The following HDX variants were observed in gnomAD, a reference collection of about 807,000 sequenced individuals.
HDX encodes highly divergent homeobox.
Under a neutral mutation model 45.2 loss-of-function variants are expected in HDX, and 19 were observed. The ratio of observed to expected loss-of-function variants is 0.42; its 90% CI spans 0.29 to 0.62. The LOEUF is 0.62. Among genes scored for constraint, HDX ranks in the 20% least tolerant of loss-of-function variants. HDX has a pLI of 0.20. For missense variants in HDX, 532 were observed against 493.9 expected, an observed-to-expected ratio of 1.08 and a Z score of -0.73; for synonymous variants, 188 against 172.8, an observed-to-expected ratio of 1.09 and a Z score of -0.69.
chrX:84,363,700 C>T (rs962810872), intron 5 of HDX, among the ~76,000 whole-genome samples: 5 of 111,280 alleles, frequency 4.5e-5, no homozygotes, highest in Non-Finnish European at 9.4e-5. Flanking sequence ...CAAGTCAATT[C>T]GCAGTAAAAC....
In HDX at chrX:84,327,493, G is replaced by A. The variant is rs768521752; in HGVS notation, c.1825-1193C>T. Reference sequence around the variant, plus strand: ...CCAGAAATAAATCCCCACAAAAATGGTCGATTGATTTTCAACAAAGGTGCT... The same window carrying A: ...CCAGAAATAAATCCCCACAAAAATGATCGATTGATTTTCAACAAAGGTGCT... On this transcript the variant is annotated intron_variant, in intron 9 of 10. Transcript: ENST00000373177. Among the ~76,000 whole-genome samples the A allele has an allele frequency of 1.5e-4, 17 of 111,499 alleles. 1 individual carries two copies. Among genetic ancestry groups the A allele is most frequent in the Non-Finnish European group, 2.6e-4 (14 of 53,110 alleles).
chrX:84,407,250 C>A (rs893671119), intron 5 of HDX, among the ~76,000 whole-genome samples: 1 of 110,787 alleles, frequency 9.0e-6, no homozygotes, highest in African/African-American at 3.3e-5. Flanking sequence ...TGTGTTGTTC[C>A]CTTTCATGTG....
At chrX:84,431,595 A>C (rs1698349908) in intron 5 of HDX, among the ~76,000 whole-genome samples, 1 of 111,034 alleles carries the variant, frequency 9.0e-6, no homozygotes, top group Non-Finnish European at 1.9e-5. Context: ...TTCTCTAATG[A>C]TTATGAGCAT....
intron 2 of HDX, among the ~76,000 whole-genome samples, chrX:84,485,353 C>T (rs965915393): frequency 8.9e-6 from 1 of 111,904 alleles, no homozygotes; most frequent in Admixed American, 9.5e-5. Flanking sequence ...TAATCTCCAT[C>T]TATAACTGTG....
intron 5 of HDX, among the ~76,000 whole-genome samples, chrX:84,401,468 A>T (rs2038704361): frequency 8.9e-6 from 1 of 112,475 alleles, no homozygotes; most frequent in Admixed American, 9.4e-5. Context: ...GCTCAGCATC[A>T]CTGATCATTA....
chrX:84,361,601 G>T lies in HDX; in HGVS notation c.1317C>A (p.Arg439=). ...CTAAGTCTCGGTCACTGAACTGAGT[G>T]CGGTCCTGTAGCTGAAAAACACATT... The part of the protein sequence containing the change: ...GCSRKRALQD[R]TQFSDRDLAT... The change falls in exon 6 of 11, where the codon CGC becomes CGA. Residue 439 remains arginine, a synonymous_variant. Transcript: ENST00000373177. 1 of 1,184,145 alleles carries T rather than the reference G, an allele frequency of 8.4e-7. No individual in the cohort carries two copies. Among genetic ancestry groups the T allele is most frequent in the Admixed American group, 2.3e-5 (1 of 43,636 alleles).
intron 5 of HDX, among the ~76,000 whole-genome samples, chrX:84,375,195 A>T (rs1478954082): frequency 1.8e-5 from 2 of 108,430 alleles, no homozygotes; most frequent in African/African-American, 3.5e-5. Context: ...TCACAATGAG[A>T]TACCATCTCA....
intron 3 of HDX, among the ~76,000 whole-genome samples, chrX:84,471,531 A>T (rs1220345441): frequency 9.2e-6 from 1 of 108,390 alleles, no homozygotes; most frequent in African/African-American, 3.3e-5. Context: ...TAGCTTGTGG[A>T]AGGGTATTCT....
At chrX:84,490,599 C>A (rs774252234) in intron 1 of HDX, among the ~76,000 whole-genome samples, 1 of 111,013 alleles carries the variant, frequency 9.0e-6, no homozygotes, top group African/African-American at 3.2e-5. Context: ...TATTACTTTT[C>A]TTCGGTGTGA....
intron 5 of HDX, among the ~76,000 whole-genome samples, chrX:84,408,627 G>C (rs1257188055): frequency 9.5e-6 from 1 of 105,016 alleles, no homozygotes; most frequent in Non-Finnish European, 1.9e-5. Flanking sequence ...GATCAGAATA[G>C]CATTCAGTCT....
intron 3 of HDX, among the ~76,000 whole-genome samples, chrX:84,473,140 C>A (rs1271069949): frequency 3.7e-5 from 4 of 108,095 alleles, no homozygotes; most frequent in African/African-American, 1.3e-4. Flanking sequence ...TTTTTTATAT[C>A]TCCTTCTTTG....
Position 84,329,408 on chromosome X carries a change from G to T in HDX, c.1825-3108C>A, listed in dbSNP as rs766349197. On this transcript the variant is annotated intron_variant, in intron 9 of 10. Transcript: ENST00000373177. ...AGCTACTTTGGAAAATATTTTGGCA[G>T]TTTCTTATGAAATTCAACATAATCT... 4.5e-5 allele frequency among the ~76,000 whole-genome samples: 5 copies of T among 111,064 alleles called. No individual in the cohort carries two copies. In the South Asian group the frequency reaches 1.9e-3, roughly 42 times the overall value.
At chrX:84,497,853 A>T (rs1227199966) in intron 1 of HDX, among the ~76,000 whole-genome samples, 1 of 111,075 alleles carries the variant, frequency 9.0e-6, no homozygotes, top group East Asian at 2.8e-4. Flanking sequence ...CTAGAATAAC[A>T]CCTGCCCTCA....
At chrX:84,377,184 G>C (rs781265199) in intron 5 of HDX, among the ~76,000 whole-genome samples, 2 of 112,296 alleles carry the variant, frequency 1.8e-5, no homozygotes, top group African/African-American at 6.5e-5. Context: ...GAATCACAGC[G>C]TTATTGGTCT....
chrX:84,424,136 T>C (rs1192846461), intron 5 of HDX, among the ~76,000 whole-genome samples: 2 of 111,100 alleles, frequency 1.8e-5, no homozygotes, highest in Non-Finnish European at 3.8e-5. Context: ...GGATACAACA[T>C]CAACATACAA....
chrX:84,380,193 C>A (rs1180623139), intron 5 of HDX, among the ~76,000 whole-genome samples: 1 of 108,466 alleles, frequency 9.2e-6, no homozygotes, highest in Non-Finnish European at 1.9e-5. Flanking sequence ...CCAAACAGAC[C>A]AATAACAAGT....
At chrX:84,421,666 A>G (rs1414201087) in intron 5 of HDX, among the ~76,000 whole-genome samples, 1 of 109,402 alleles carries the variant, frequency 9.1e-6, no homozygotes, top group East Asian at 2.9e-4. Flanking sequence ...TCTGTTGCTT[A>G]CGAGAAACAC....
intron 5 of HDX, among the ~76,000 whole-genome samples, chrX:84,405,096 C>A (rs779542607): frequency 9.0e-6 from 1 of 110,602 alleles, no homozygotes; most frequent in Non-Finnish European, 1.9e-5. Flanking sequence ...ATTTTTAAAA[C>A]CCTGCAAAAC....
At chrX:84,492,946 C>G (rs1337677345) in intron 1 of HDX, among the ~76,000 whole-genome samples, 1 of 102,775 alleles carries the variant, frequency 9.7e-6, no homozygotes, top group African/African-American at 3.7e-5. Flanking sequence ...GAGCTTCGCT[C>G]TTGTTGCCCA....
Sources: allele counts gnomAD v4.1 joint callset (sites outside exome capture counted in the v4.1 genomes callset), GRCh38; gene constraint gnomAD v4.1.1; transcripts MANE v1.5; gene names NCBI Gene and HGNC (gene_info 2026-07-23, HGNC 2026-07-21).